NAA25: variants seen among roughly 807,000 people sequenced by gnomAD.
NAA25 encodes the protein N-alpha-acetyltransferase 25, NatB auxiliary subunit, also known as N-terminal acetyltransferase B complex subunit NAA25.
NAA25 carries 30 observed loss-of-function variants against 132.5 expected under a neutral mutation model. The observed-to-expected ratio is 0.23, with a 90% CI of 0.17 to 0.31. NAA25 has a LOEUF of 0.31. Among genes scored for constraint, NAA25 ranks in the 10% least tolerant of loss-of-function variants. The pLI, the probability that NAA25 is intolerant of heterozygous loss-of-function variation, is 1.00. For missense variants in NAA25, 771 were observed against 1,150.4 expected (o/e 0.67, Z 4.77); for synonymous variants, 359 against 401.9 (o/e 0.89, Z 1.28).
chr12:112,042,668 C>T (rs926394732), intron 19 of NAA25, among the ~76,000 whole-genome samples: 4 of 152,104 alleles, frequency 2.6e-5, no homozygotes, highest in Admixed American at 6.5e-5. Flanking sequence ...CACCTTGCCT[C>T]GCTAATTTCT....
At chr12:112,087,357 T>C (rs2136921417) in intron 4 of NAA25, among the ~76,000 whole-genome samples, 1 of 152,376 alleles carries the variant, frequency 6.6e-6, no homozygotes, top group South Asian at 2.1e-4. Flanking sequence ...GTTCATTTTT[T>C]GCTCTGGTAT....
chr12:112,042,068 C>T lies in NAA25; in HGVS notation c.2411G>A (p.Ser804Asn), dbSNP rs748447084. The change falls in exon 20 of 24, where the codon AGT (serine) becomes AAT (asparagine). Residue 804 changes from serine to asparagine, a missense_variant. Ser to Asn is a conservative substitution (Grantham distance 46). Around this residue, in one of 3 missense-constraint regions of NAA25, gnomAD observed 324 missense variants for 400.0 expected, o/e 0.81. Coordinates refer to ENST00000261745, the MANE Select transcript of NAA25 (RefSeq NM_024953.4). Reference sequence around the variant, plus strand: ...TAACTGGTCTAGTAAAGACTTAAAACTATTTTCTATTCGTTCCTGAATCTC... The same window carrying T: ...TAACTGGTCTAGTAAAGACTTAAAATTATTTTCTATTCGTTCCTGAATCTC... ...TMEIQERIEN[S>N]FKSLLDQLKD... The T allele has an allele frequency of 5.4e-6, 8 of 1,484,082 alleles. No homozygotes were observed. The East Asian group carries it at 2.1e-4, about 40-fold the overall frequency. 91.9% of individuals were successfully genotyped at this position (1,484,082 alleles called of 1,614,324 possible). A position where few individuals can be genotyped will look rare whatever the true frequency, so the allele number is the denominator to read the frequency against.
At chr12:112,033,959 A>C (rs889178673) in intron 22 of NAA25, 1 of 152,164 alleles carries the variant, frequency 6.6e-6, no homozygotes, top group Non-Finnish European at 1.5e-5. Flanking sequence ...ACAACTAAAA[A>C]ACCTAGCCAA....
chr12:112,047,513 T>G (rs2136823398), intron 17 of NAA25, 152 bp downstream of exon 17: 1 of 865,202 alleles, frequency 1.2e-6, no homozygotes, highest in Middle Eastern at 3.4e-4. Context: ...ATTACAGGCC[T>G]GAGCCACCGT....
intron 7 of NAA25, among the ~76,000 whole-genome samples, chr12:112,077,892 G>T (rs2078916403): frequency 6.6e-6 from 1 of 151,818 alleles, no homozygotes; most frequent in Non-Finnish European, 1.5e-5. Flanking sequence ...AAAAAAAAGT[G>T]GGGAAGATGA....
intron 23 of NAA25, among the ~76,000 whole-genome samples, chr12:112,029,887 T>C (rs1192729176): frequency 6.6e-6 from 1 of 152,186 alleles, no homozygotes; most frequent in South Asian, 2.1e-4. Flanking sequence ...ATCATTACTC[T>C]TTCAAGTACC....
intron 13 of NAA25, among the ~76,000 whole-genome samples, chr12:112,059,923 T>C (rs1378990995): frequency 6.6e-6 from 1 of 151,842 alleles, no homozygotes; most frequent in Non-Finnish European, 1.5e-5. Flanking sequence ...TTCTCCTGCC[T>C]CAGCCTCCCA....
intron 3 of NAA25, among the ~76,000 whole-genome samples, chr12:112,089,475 T>C (rs1469725281): frequency 1.3e-5 from 2 of 152,174 alleles, no homozygotes; most frequent in Admixed American, 6.6e-5. Context: ...GTGAAATATT[T>C]TGTGGTAGTG....
chr12:112,069,517 T>G (rs1406250343), intron 10 of NAA25, among the ~76,000 whole-genome samples: 1 of 151,642 alleles, frequency 6.6e-6, no homozygotes, highest in Non-Finnish European at 1.5e-5. Flanking sequence ...TTAAATTAAA[T>G]TAAGTTAAAG....
At chr12:112,073,626 T>C (rs199714750) in intron 9 of NAA25, among the ~76,000 whole-genome samples, 12 of 152,208 alleles carry the variant, frequency 7.9e-5, no homozygotes, top group Admixed American at 2.6e-4. Flanking sequence ...TTAGTAGAGA[T>C]GGGGTTTCAC....
intron 1 of NAA25, among the ~76,000 whole-genome samples, chr12:112,097,648 T>A (rs2079233785): frequency 6.6e-6 from 1 of 151,598 alleles, no homozygotes; most frequent in Non-Finnish European, 1.5e-5. Flanking sequence ...GACTCTTTAT[T>A]CACACAGCAT....
chr12:112,086,879 C>T (rs1327181902), intron 4 of NAA25, among the ~76,000 whole-genome samples: 1 of 136,496 alleles, frequency 7.3e-6, no homozygotes, highest in East Asian at 2.2e-4. Flanking sequence ...GGAGTGGTGG[C>T]GCAAGCATGT....
At chr12:112,105,192 C>T (rs573965132) in intron 1 of NAA25, among the ~76,000 whole-genome samples, 33 of 150,916 alleles carry the variant, frequency 2.2e-4, no homozygotes, top group African/African-American at 7.8e-4. Flanking sequence ...TGGTGGTGCC[C>T]GCCTGCAGTC....
At chr12:112,101,494 T>C (rs2079295767) in intron 1 of NAA25, among the ~76,000 whole-genome samples, 1 of 151,984 alleles carries the variant, frequency 6.6e-6, no homozygotes, top group South Asian at 2.1e-4. Flanking sequence ...CGGTGGCTCA[T>C]GCCTGTAATC....
intron 10 of NAA25, 77 bp downstream of exon 10, chr12:112,071,818 G>A: frequency 6.8e-6 from 8 of 1,168,436 alleles, no homozygotes; most frequent in Non-Finnish European, 9.8e-6. Flanking sequence ...TCTGTCCAGT[G>A]TAGATCTCAA....
chr12:112,061,155 ACT>A, intron 12 of NAA25, 24 bp downstream of exon 12: 2 of 1,507,994 alleles, frequency 1.3e-6, no homozygotes, highest in Non-Finnish European at 8.9e-7. Flanking sequence ...TCAGGGAACT[ACT>A]GCACATTTTG....
chr12:112,055,739 A>C (rs1249179402), intron 13 of NAA25, among the ~76,000 whole-genome samples: 3 of 152,106 alleles, frequency 2.0e-5, no homozygotes, highest in Admixed American at 2.0e-4. Context: ...AAGAAAAAAA[A>C]ATGCAAAAGT....
intron 4 of NAA25, among the ~76,000 whole-genome samples, chr12:112,081,537 C>T (rs1248522146): frequency 6.6e-6 from 1 of 152,116 alleles, no homozygotes; most frequent in Non-Finnish European, 1.5e-5. Context: ...ACTTCAATAT[C>T]AGAAAAGATT....
intron 4 of NAA25, among the ~76,000 whole-genome samples, chr12:112,084,164 T>C (rs1037589878): frequency 1.3e-5 from 2 of 152,194 alleles, no homozygotes; most frequent in African/African-American, 2.4e-5. Context: ...TATCACCATA[T>C]GAATAACTAG....
Sources: gnomAD v4.1 joint callset for allele counts (sites outside exome capture counted in the v4.1 genomes callset) on GRCh38, gnomAD v4.1.1 for gene constraint, gnomAD v4.1.1 regional missense constraint, MANE v1.5 for transcripts, NCBI Gene and HGNC (gene_info 2026-07-23, HGNC 2026-07-21) for gene names.